DSCAM: variants seen among roughly 807,000 people sequenced by gnomAD.
The protein encoded by DSCAM is DS cell adhesion molecule.
DSCAM carries 47 observed loss-of-function variants against 217.7 expected under a neutral mutation model. That is an observed-to-expected ratio of 0.22 (90% CI 0.17 to 0.28). DSCAM has a LOEUF of 0.28. Ranked by LOEUF, DSCAM falls within the 10% of genes least tolerant of loss-of-function variation. DSCAM has a pLI of 1.00. For missense variants in DSCAM, 2,080 were observed against 2,618.3 expected (o/e 0.79, Z 4.49); for synonymous variants, 1,056 against 1,015.3 (o/e 1.04, Z -0.76).
chr21:40,116,477 C>A (rs80314855), intron 20 of DSCAM, among the ~76,000 whole-genome samples: 2 of 151,884 alleles, frequency 1.3e-5, no homozygotes, highest in Non-Finnish European at 2.9e-5. Flanking sequence ...AGAAACCCTT[C>A]GAGGTTTTTT....
At chr21:40,348,379 T>C (rs1414053671) in intron 5 of DSCAM, among the ~76,000 whole-genome samples, 8 of 152,018 alleles carry the variant, frequency 5.3e-5, no homozygotes, top group African/African-American at 1.5e-4. Context: ...AGAGTTCCTA[T>C]TAGCCACATT....
intron 9 of DSCAM, among the ~76,000 whole-genome samples, chr21:40,308,268 G>C (rs1027424502): frequency 1.3e-5 from 2 of 152,122 alleles, no homozygotes; most frequent in African/African-American, 4.8e-5. Context: ...TACTAGTGGA[G>C]AAGTTTTATC....
chr21:40,614,730 G>C (rs1241268395), intron 3 of DSCAM, among the ~76,000 whole-genome samples: 1 of 152,196 alleles, frequency 6.6e-6, no homozygotes, highest in Non-Finnish European at 1.5e-5. Context: ...TATGAGATGA[G>C]ATGGAATACC....
intron 3 of DSCAM, among the ~76,000 whole-genome samples, chr21:40,570,754 TG>T (rs1469135424): frequency 6.6e-6 from 1 of 152,192 alleles, no homozygotes; most frequent in Non-Finnish European, 1.5e-5. Flanking sequence ...AGAATTCATT[TG>T]ATGGGCTTAA....
At chr21:40,447,302 A>G (rs1186411004) in intron 3 of DSCAM, among the ~76,000 whole-genome samples, 1 of 152,216 alleles carries the variant, frequency 6.6e-6, no homozygotes, top group African/African-American at 2.4e-5. Flanking sequence ...TTTCCTTCTA[A>G]AAGTCCCATG....
chr21:40,491,910 C>T (rs1375127491), intron 3 of DSCAM, among the ~76,000 whole-genome samples: 3 of 152,184 alleles, frequency 2.0e-5, no homozygotes, highest in African/African-American at 4.8e-5. Flanking sequence ...TCCCGGGGGT[C>T]TCATTTCTTT....
intron 3 of DSCAM, among the ~76,000 whole-genome samples, chr21:40,503,606 G>A (rs1323413931): frequency 6.6e-6 from 1 of 152,146 alleles, no homozygotes; most frequent in Non-Finnish European, 1.5e-5. Flanking sequence ...GATTTTCAGT[G>A]GGTTACCTTA....
At position 40,354,200 on chromosome 21, in the gene DSCAM, A is replaced by G. The variant is rs964508983; in HGVS notation, c.656-457T>C. On this transcript the variant is annotated intron_variant, in intron 4 of 32. Transcript: ENST00000400454. The stretch of plus-strand genomic sequence containing the variant: ...TGTATTGTATATTTCAAAATAGCTA[A>G]AACAGAAGAATTGAAATAATTATAG... Among the ~76,000 whole-genome samples, 15 of 152,314 alleles carry G rather than the reference A, an allele frequency of 9.8e-5. No homozygotes were observed. The South Asian group carries it at 3.1e-3, about 32-fold the overall frequency.
chr21:40,674,822 G>C (rs1048931903), intron 3 of DSCAM, among the ~76,000 whole-genome samples: 1 of 151,796 alleles, frequency 6.6e-6, no homozygotes, highest in Non-Finnish European at 1.5e-5. Flanking sequence ...TAGTAGAGAC[G>C]GGGTTTCACC....
chr21:40,652,022 A>G (rs2090019954), intron 3 of DSCAM, among the ~76,000 whole-genome samples: 1 of 152,096 alleles, frequency 6.6e-6, no homozygotes, highest in African/African-American at 2.4e-5. Context: ...ATACTTCCCC[A>G]TTTAGTTGGT....
At chr21:40,742,511 A>G (rs919504399) in intron 1 of DSCAM, among the ~76,000 whole-genome samples, 2 of 152,222 alleles carry the variant, frequency 1.3e-5, no homozygotes, top group African/African-American at 2.4e-5. Flanking sequence ...AGTGAAAGTG[A>G]TTTTGTACTT....
At chr21:40,375,478 C>A (rs528270277) in intron 3 of DSCAM, among the ~76,000 whole-genome samples, 22 of 152,316 alleles carry the variant, frequency 1.4e-4, no homozygotes, top group Non-Finnish European at 2.9e-4. Flanking sequence ...AGGCTCTGAG[C>A]CCAGATCTCT....
intron 8 of DSCAM, among the ~76,000 whole-genome samples, chr21:40,331,547 T>C (rs1341921195): frequency 6.6e-6 from 1 of 152,054 alleles, no homozygotes; most frequent in Non-Finnish European, 1.5e-5. Flanking sequence ...GGAAGCAGGA[T>C]TTTAACGTCA....
At chr21:40,146,481 A>T (rs2090358946) in intron 16 of DSCAM, among the ~76,000 whole-genome samples, 1 of 152,162 alleles carries the variant, frequency 6.6e-6, no homozygotes, top group Non-Finnish European at 1.5e-5. Flanking sequence ...GATTCAGCAA[A>T]CACTTATGGA....
chr21:40,095,423 T>C (rs2089663537), intron 20 of DSCAM, among the ~76,000 whole-genome samples: 1 of 152,220 alleles, frequency 6.6e-6, no homozygotes, highest in Non-Finnish European at 1.5e-5. Flanking sequence ...GAAAACATTA[T>C]GCTAAGTGAA....
intron 22 of DSCAM, among the ~76,000 whole-genome samples, chr21:40,086,672 T>C (rs1192463304): frequency 3.3e-5 from 5 of 152,212 alleles, no homozygotes; most frequent in African/African-American, 1.2e-4. Context: ...CTATCTTGGC[T>C]CCTATTATTT....
At chr21:40,592,833 AAGACAC>A (rs1234540667) in intron 3 of DSCAM, among the ~76,000 whole-genome samples, 9 of 152,146 alleles carry the variant, frequency 5.9e-5, no homozygotes, top group Non-Finnish European at 1.0e-4. Context: ...AAGCCCCATG[AAGACAC>A]AGATCGAATT....
At chr21:40,134,087 C>T (rs1029549868) in intron 18 of DSCAM, 78 bp from the exon 19 acceptor site, 4 of 1,524,482 alleles carry the variant, frequency 2.6e-6, no homozygotes, top group Non-Finnish European at 2.6e-6. Context: ...TCCCCACTGA[C>T]TGTCCCTGTG....
intron 21 of DSCAM, among the ~76,000 whole-genome samples, chr21:40,090,764 T>G (rs1249758622): frequency 2.6e-5 from 4 of 152,216 alleles, no homozygotes; most frequent in African/African-American, 7.2e-5. Context: ...CGCCTGAATT[T>G]CTGCCTCCTG....
Sources: gnomAD v4.1 joint callset for allele counts (sites outside exome capture counted in the v4.1 genomes callset) on GRCh38, gnomAD v4.1.1 for gene constraint, MANE v1.5 for transcripts, NCBI Gene and HGNC (gene_info 2026-07-23, HGNC 2026-07-21) for gene names.